SH3GL2: variants seen among roughly 807,000 people sequenced by gnomAD.
SH3GL2 encodes the protein endophilin-A1.
Under a neutral mutation model 46.0 loss-of-function variants are expected in SH3GL2, and 24 were observed. That is an observed-to-expected ratio of 0.52 (90% CI 0.38 to 0.73). SH3GL2 has a LOEUF of 0.73. Ranked by LOEUF, SH3GL2 falls within the 30% of genes least tolerant of loss-of-function variation. The pLI, the probability that SH3GL2 is intolerant of heterozygous loss-of-function variation, is 0.00. For missense variants in SH3GL2, 413 were observed against 424.2 expected, an observed-to-expected ratio of 0.97 and a Z score of 0.23; for synonymous variants, 196 against 147.1, an observed-to-expected ratio of 1.33 and a Z score of -2.40.
intron 1 of SH3GL2, among the ~76,000 whole-genome samples, chr9:17,712,099 T>C (rs1301863817): frequency 6.6e-6 from 1 of 151,828 alleles, no homozygotes; most frequent in Non-Finnish European, 1.5e-5. Context: ...CTTTTTTTGC[T>C]ATTCCTATTT....
intron 1 of SH3GL2, among the ~76,000 whole-genome samples, chr9:17,726,520 C>A (rs1822024500): frequency 6.6e-6 from 1 of 152,064 alleles, no homozygotes; most frequent in Non-Finnish European, 1.5e-5. Flanking sequence ...ACTCTGCTGA[C>A]CCAGCATAAT....
At chr9:17,777,566 G>A (rs1172024860) in intron 3 of SH3GL2, among the ~76,000 whole-genome samples, 1 of 152,086 alleles carries the variant, frequency 6.6e-6, no homozygotes, top group Non-Finnish European at 1.5e-5. Flanking sequence ...AGTTCTGGAG[G>A]TTATATAGTC....
chr9:17,596,219 A>G (rs1818568990), intron 1 of SH3GL2, among the ~76,000 whole-genome samples: 1 of 152,176 alleles, frequency 6.6e-6, no homozygotes, highest in Non-Finnish European at 1.5e-5. Context: ...CCTGAATTAA[A>G]TTGTGCTGCT....
chr9:17,782,659 GC>G (rs1349782444), intron 3 of SH3GL2, among the ~76,000 whole-genome samples: 2 of 152,130 alleles, frequency 1.3e-5, no homozygotes, highest in Non-Finnish European at 2.9e-5. Flanking sequence ...TGTATCAGCA[GC>G]CTCTAGTGCC....
At chr9:17,720,388 G>A (rs898267576) in intron 1 of SH3GL2, among the ~76,000 whole-genome samples, 1 of 152,102 alleles carries the variant, frequency 6.6e-6, no homozygotes, top group Non-Finnish European at 1.5e-5. Flanking sequence ...ACCAAAATAC[G>A]TTGAAAGAGC....
At chr9:17,673,913 A>G (rs1820539008) in intron 1 of SH3GL2, among the ~76,000 whole-genome samples, 1 of 152,118 alleles carries the variant, frequency 6.6e-6, no homozygotes, top group Admixed American at 6.5e-5. Flanking sequence ...AGGTCTCCAT[A>G]GGGCATCCTG....
At chr9:17,656,529 C>T (rs1457819292) in intron 1 of SH3GL2, among the ~76,000 whole-genome samples, 1 of 151,942 alleles carries the variant, frequency 6.6e-6, no homozygotes, top group Admixed American at 6.6e-5. Flanking sequence ...TACAATATCA[C>T]AAGTAATTAA....
intron 1 of SH3GL2, among the ~76,000 whole-genome samples, chr9:17,616,470 G>T (rs1181157461): frequency 1.3e-5 from 2 of 152,072 alleles, no homozygotes; most frequent in Non-Finnish European, 2.9e-5. Flanking sequence ...AGCTAATGAA[G>T]GAAGGTGGTG....
chr9:17,747,059 T>C lies in SH3GL2; in HGVS notation c.46-7T>C. The C allele has an allele frequency of 1.5e-5, 23 of 1,585,692 alleles. No homozygotes were observed. The highest frequency in any genetic ancestry group is 2.0e-5 in the Non-Finnish European group (23 of 1,156,392). ...TAATAATTCTCCTTTGTGGTTATTT[T>C]CTACAGAAAGTGAGTGAGAAGGTTG... On this transcript the variant is annotated splice_region_variant and splice_polypyrimidine_tract_variant and intron_variant, in intron 1 of 8. Transcript: ENST00000380607.
chr9:17,606,527 C>T lies in SH3GL2; in HGVS notation c.45+27240C>T, dbSNP rs141555084. Reference sequence around the variant, plus strand: ...TCCCTTTTGATTGATATGAATGATGCTAATCTTGCTTCGATGGTCCATGGC... The same window carrying T: ...TCCCTTTTGATTGATATGAATGATGTTAATCTTGCTTCGATGGTCCATGGC... On this transcript the variant is annotated intron_variant, in intron 1 of 8. Transcript: ENST00000380607. 1.2e-3 allele frequency among the ~76,000 whole-genome samples: 180 copies of T among 152,276 alleles called. 1 individual carries two copies. The highest frequency in any genetic ancestry group is 4.0e-3 in the African/African-American group (167 of 41,558).
Position 17,793,390 on chromosome 9 carries a change from C to A in SH3GL2, c.752C>A (p.Pro251His). ...EERIRQASSQ[P>H]RREYQPKPRM... is the part of the protein sequence containing the mutation. Reference sequence around the variant, plus strand: ...AGAATAAGACAGGCTTCATCTCAGCCTAGAAGGGAATATCAACCTAAACCA... The same window carrying A: ...AGAATAAGACAGGCTTCATCTCAGCATAGAAGGGAATATCAACCTAAACCA... The change falls in exon 8 of 9, where the codon CCT becomes CAT. Residue 251 changes from proline (P) to histidine (H), a missense_variant. Physicochemically the swap from Pro to His is moderately conservative, Grantham distance 77. This residue lies in a region of SH3GL2 where 248 missense variants were observed against 215.0 expected (regional missense o/e 1.15). Coordinates refer to ENST00000380607, the MANE Select transcript of SH3GL2 (RefSeq NM_003026.5). 1 of 1,613,078 alleles carries A rather than the reference C, an allele frequency of 6.2e-7. No homozygotes were observed. The highest frequency in any genetic ancestry group is 8.5e-7 in the Non-Finnish European group (1 of 1,179,464).
At chr9:17,607,192 A>G (rs1024381561) in intron 1 of SH3GL2, among the ~76,000 whole-genome samples, 28 of 152,226 alleles carry the variant, frequency 1.8e-4, no homozygotes, top group African/African-American at 5.8e-4. Context: ...GTGTAATCAC[A>G]CAGACCTAGA....
At chr9:17,685,633 G>C (rs202206542) in intron 1 of SH3GL2, among the ~76,000 whole-genome samples, 1 of 151,982 alleles carries the variant, frequency 6.6e-6, no homozygotes, top group African/African-American at 2.4e-5. Context: ...TATAAGGTGT[G>C]AGGAAGGGAT....
At chr9:17,678,482 GT>G (rs1820675518) in intron 1 of SH3GL2, among the ~76,000 whole-genome samples, 1 of 152,012 alleles carries the variant, frequency 6.6e-6, no homozygotes, top group African/African-American at 2.4e-5. Context: ...TGATGGGGTT[GT>G]TTTTTTCTTG....
intron 1 of SH3GL2, among the ~76,000 whole-genome samples, chr9:17,722,056 C>G (rs998373310): frequency 1.3e-5 from 2 of 151,960 alleles, no homozygotes; most frequent in African/African-American, 4.8e-5. Context: ...GTTGCTATAT[C>G]CACTTGTAAG....
Position 17,687,132 on chromosome 9 carries a change from G to C in SH3GL2, c.46-59934G>C, listed in dbSNP as rs72715416. Among the ~76,000 whole-genome samples, 1,176 of 152,110 alleles carry C rather than the reference G, an allele frequency of 7.7e-3. 6 individuals carry two copies. Among genetic ancestry groups the C allele is most frequent in the Non-Finnish European group, 0.013 (887 of 67,970 alleles). The stretch of plus-strand genomic sequence containing the variant: ...GTAAACTAGCATTAAAAAATTCTAA[G>C]CCTTTAAATATGCTCTCTCACATTA... On this transcript the variant is annotated intron_variant, in intron 1 of 8. Coordinates refer to ENST00000380607, the MANE Select transcript of SH3GL2 (RefSeq NM_003026.5).
At chr9:17,622,869 C>T (rs569871946) in intron 1 of SH3GL2, among the ~76,000 whole-genome samples, 1 of 152,234 alleles carries the variant, frequency 6.6e-6, no homozygotes, top group South Asian at 2.1e-4. Flanking sequence ...CAATCCTCTG[C>T]CGCAGTTTTT....
At chr9:17,760,423 C>T (rs1361844834) in intron 2 of SH3GL2, among the ~76,000 whole-genome samples, 7 of 151,550 alleles carry the variant, frequency 4.6e-5, no homozygotes, top group South Asian at 2.1e-4. Flanking sequence ...TATTATATAC[C>T]GGTATATATT....
At chr9:17,596,574 C>T (rs1818575514) in intron 1 of SH3GL2, among the ~76,000 whole-genome samples, 1 of 152,008 alleles carries the variant, frequency 6.6e-6, no homozygotes, top group South Asian at 2.1e-4. Context: ...GTAGGCAGTG[C>T]CATTCTAGCA....
Sources: allele counts gnomAD v4.1 joint callset (sites outside exome capture counted in the v4.1 genomes callset), GRCh38; gene constraint gnomAD v4.1.1; regional missense constraint gnomAD v4.1.1; transcripts MANE v1.5; gene names NCBI Gene and HGNC (gene_info 2026-07-23, HGNC 2026-07-21).